The following ARHGAP39 variants were observed in gnomAD, a reference collection of about 807,000 sequenced individuals.
The protein encoded by ARHGAP39 is rho GTPase-activating protein 39.
Under a neutral mutation model 106.9 loss-of-function variants are expected in ARHGAP39, and 44 were observed. The observed-to-expected ratio is 0.41, with a 90% CI of 0.32 to 0.53. The LOEUF is 0.53. Among genes scored for constraint, ARHGAP39 ranks in the 20% least tolerant of loss-of-function variants. ARHGAP39 has a pLI of 0.21. For missense variants in ARHGAP39, 1,496 were observed against 1,577.3 expected (o/e 0.95, Z 0.87); for synonymous variants, 768 against 693.2 (o/e 1.11, Z -1.69).
upstream of ARHGAP39, among the ~76,000 whole-genome samples, chr8:144,687,149 T>C (rs2956176): frequency 0.47 from 304 of 646 alleles, 117 homozygotes; most frequent in Non-Finnish European, 0.52. Context: ...GCGGCGAGCA[T>C]TTCCCACCCC....
chr8:144,664,178 GA>G (rs943744748), intron 1 of ARHGAP39, among the ~76,000 whole-genome samples: 1 of 151,488 alleles, frequency 6.6e-6, no homozygotes, highest in Non-Finnish European at 1.5e-5. Flanking sequence ...CCAAAAAAAA[GA>G]AAAAAAATGA....
At chr8:144,686,185 C>A (rs187738959), upstream of ARHGAP39, among the ~76,000 whole-genome samples, 709 of 152,200 alleles carry the variant, frequency 4.7e-3, 6 homozygotes, top group African/African-American at 0.016. Flanking sequence ...TTGGGCTTCC[C>A]GAGTCTGAGA....
At chr8:144,551,017 C>A (rs1333133615) in intron 4 of ARHGAP39, among the ~76,000 whole-genome samples, 1 of 152,228 alleles carries the variant, frequency 6.6e-6, no homozygotes, top group African/African-American at 2.4e-5. Context: ...CTGAGTTCAG[C>A]ACTGACACAG....
In ARHGAP39 at chr8:144,607,955, A is replaced by G. The variant is rs910153469; in HGVS notation, c.-81-2260T>C. On this transcript the variant is annotated intron_variant, in intron 1 of 11. Transcript: ENST00000377307. ...GTGGATCATTTGAGGTCGGGGGTTC[A>G]AGACCAGCCTAGCCAACACAGCGAA... 5.9e-5 allele frequency among the ~76,000 whole-genome samples: 9 copies of G among 152,066 alleles called. No homozygotes were observed. In the South Asian group the frequency reaches 1.9e-3, roughly 32 times the overall value.
chr8:144,601,502 G>T (rs1251800994), intron 2 of ARHGAP39, among the ~76,000 whole-genome samples: 1 of 138,332 alleles, frequency 7.2e-6, no homozygotes, highest in African/African-American at 2.9e-5. Context: ...GTGTGTGTGC[G>T]TGGAGGCATG....
intron 3 of ARHGAP39, among the ~76,000 whole-genome samples, chr8:144,557,932 G>C (rs188082478): frequency 6.6e-6 from 1 of 152,204 alleles, no homozygotes; most frequent in Non-Finnish European, 1.5e-5. Flanking sequence ...TTGAAAGGAA[G>C]ACATAAAAAT....
At position 144,670,816 on chromosome 8, in the gene ARHGAP39, T is replaced by C. The variant is rs78225484; in HGVS notation, c.-82+14870A>G. Among the ~76,000 whole-genome samples, 4,231 of 152,284 alleles carry C rather than the reference T, an allele frequency of 0.028. 257 individuals carry two copies. Among genetic ancestry groups the C allele is most frequent in the East Asian group, 0.24 (1,267 of 5,174 alleles). ...CAGCTGCCAACTGTGTGTATCTGTT[T>C]CCTGCACTAGACTCTGAGCTTCAAG... On this transcript the variant is annotated intron_variant, in intron 1 of 11. Coordinates refer to ENST00000377307, the MANE Select transcript of ARHGAP39 (RefSeq NM_025251.3). This position sits in a 1 kb window ranked among gnomAD's most constrained non-coding sequence, Gnocchi z 4.4.
At chr8:144,538,994 G>A (rs1470329050) in intron 6 of ARHGAP39, among the ~76,000 whole-genome samples, 3 of 151,736 alleles carry the variant, frequency 2.0e-5, no homozygotes, top group East Asian at 1.9e-4. Flanking sequence ...TGTGACAGGC[G>A]TCACCCCCAC....
At chr8:144,590,796 A>G (rs1305938159) in intron 2 of ARHGAP39, among the ~76,000 whole-genome samples, 1 of 151,992 alleles carries the variant, frequency 6.6e-6, no homozygotes, top group East Asian at 1.9e-4. Flanking sequence ...CTGGGAACAG[A>G]GCCAGCATGG....
chr8:144,535,101 C>T (rs1368865941), intron 7 of ARHGAP39, among the ~76,000 whole-genome samples: 1 of 152,214 alleles, frequency 6.6e-6, no homozygotes, highest in Non-Finnish European at 1.5e-5. Flanking sequence ...CAGCGCCCAG[C>T]GCCTACCGCC....
chr8:144,595,959 C>A (rs1350864029), intron 2 of ARHGAP39, among the ~76,000 whole-genome samples: 1 of 152,132 alleles, frequency 6.6e-6, no homozygotes, highest in Non-Finnish European at 1.5e-5. Flanking sequence ...ATAGTTCTGC[C>A]AGGCGGCAGG....
chr8:144,600,672 G>C (rs1819851466), intron 2 of ARHGAP39, among the ~76,000 whole-genome samples: 1 of 144,246 alleles, frequency 6.9e-6, no homozygotes, highest in Non-Finnish European at 1.5e-5. Flanking sequence ...GCACACTTGT[G>C]TACCTGCGTG....
chr8:144,594,969 G>T (rs1429533545), intron 2 of ARHGAP39, among the ~76,000 whole-genome samples: 1 of 152,162 alleles, frequency 6.6e-6, no homozygotes, highest in Non-Finnish European at 1.5e-5. Flanking sequence ...TTCAGCCTGG[G>T]AGTTGCAGGT....
At chr8:144,581,921 T>C (rs888097113) in intron 2 of ARHGAP39, among the ~76,000 whole-genome samples, 4 of 152,124 alleles carry the variant, frequency 2.6e-5, no homozygotes, top group African/African-American at 4.8e-5. Context: ...CAAAAACCCT[T>C]AGAGGCACCA....
In ARHGAP39 at chr8:144,545,231, G is replaced by A; in HGVS notation, c.2521+18C>T. ...TGCCCTTACCTGAGCTGGTGGCAAA[G>A]CCCGTGCATGGCCTTACCTTTAGTG... On this transcript the variant is annotated intron_variant, in intron 6 of 11. Coordinates refer to ENST00000377307, the MANE Select transcript of ARHGAP39 (RefSeq NM_025251.3). 2 of 1,491,912 alleles carry A rather than the reference G, an allele frequency of 1.3e-6. No individual in the cohort carries two copies. 92.4% of individuals were successfully genotyped at this position (1,491,912 alleles called of 1,614,324 possible).
At chr8:144,632,470 G>C (rs746595661) in intron 1 of ARHGAP39, among the ~76,000 whole-genome samples, 10 of 152,240 alleles carry the variant, frequency 6.6e-5, no homozygotes, top group Non-Finnish European at 1.0e-4. Flanking sequence ...CACGAGGACT[G>C]TGTGTCAATG....
chr8:144,607,827 T>G (rs950154331), intron 1 of ARHGAP39, among the ~76,000 whole-genome samples: 12 of 152,220 alleles, frequency 7.9e-5, no homozygotes, highest in African/African-American at 2.9e-4. Context: ...AAGTATTTAT[T>G]TTAATGCTTG....
intron 7 of ARHGAP39, 21 bp downstream of exon 7, chr8:144,537,700 G>T: frequency 6.2e-7 from 1 of 1,610,804 alleles, no homozygotes; most frequent in Non-Finnish European, 8.5e-7. Flanking sequence ...CGCGCCCAGG[G>T]GCTGCGGGGA....
chr8:144,648,887 C>T (rs1369742550), intron 1 of ARHGAP39, among the ~76,000 whole-genome samples: 1 of 151,716 alleles, frequency 6.6e-6, no homozygotes, highest in African/African-American at 2.4e-5. Flanking sequence ...ACTAAATGCC[C>T]ACATCAGAAA....
Sources: allele counts gnomAD v4.1 joint callset (sites outside exome capture counted in the v4.1 genomes callset), GRCh38; gene constraint gnomAD v4.1.1; non-coding constraint Gnocchi (gnomAD v3.1); transcripts MANE v1.5; gene names NCBI Gene and HGNC (gene_info 2026-07-23, HGNC 2026-07-21).